CADM2: variants seen among roughly 807,000 people sequenced by gnomAD.
The protein encoded by CADM2 is immunoglobulin superfamily member 4D.
In CADM2, 12 loss-of-function variants were observed where a neutral mutation model predicts 49.8. The ratio of observed to expected loss-of-function variants is 0.24; its 90% CI spans 0.15 to 0.39. The LOEUF (loss-of-function observed/expected upper bound fraction) is 0.39, where lower values mean the gene tolerates loss of function less well. Among genes scored for constraint, CADM2 ranks in the 10% least tolerant of loss-of-function variants. The pLI, the probability that CADM2 is intolerant of heterozygous loss-of-function variation, is 1.00. For synonymous variants in CADM2, 214 were observed against 175.4 expected (o/e 1.22, Z -1.74); for missense variants, 378 against 492.3 (o/e 0.77, Z 2.20).
chr3:85,194,387 A>G (rs2041288692), intron 1 of CADM2, among the ~76,000 whole-genome samples: 1 of 152,072 alleles, frequency 6.6e-6, no homozygotes, highest in Non-Finnish European at 1.5e-5. Flanking sequence ...CATGATCATA[A>G]TTCATTTAGC....
intron 1 of CADM2, among the ~76,000 whole-genome samples, chr3:85,118,992 A>G (rs2107586202): frequency 6.6e-6 from 1 of 152,154 alleles, no homozygotes; most frequent in South Asian, 2.1e-4. Flanking sequence ...CAGGTGATCC[A>G]TCCATCTTGG....
chr3:85,156,363 A>G (rs1331224046), intron 1 of CADM2, among the ~76,000 whole-genome samples: 2 of 152,200 alleles, frequency 1.3e-5, no homozygotes, highest in African/African-American at 4.8e-5. Flanking sequence ...CAAATAAACT[A>G]GAAAATCTAG....
intron 8 of CADM2, among the ~76,000 whole-genome samples, chr3:85,965,446 A>G (rs888440665): frequency 6.6e-6 from 1 of 151,452 alleles, no homozygotes; most frequent in African/African-American, 2.4e-5. Flanking sequence ...TAGTAGTCTT[A>G]TTATACCAAG....
chr3:85,441,355 T>C lies in CADM2; in HGVS notation c.62-285167T>C, dbSNP rs1419885065. 2.6e-5 allele frequency among the ~76,000 whole-genome samples: 4 copies of C among 151,976 alleles called. No homozygotes were observed. The South Asian group carries it at 8.3e-4, about 31-fold the overall frequency. On this transcript the variant is annotated intron_variant, in intron 1 of 9. Transcript: ENST00000383699. The stretch of plus-strand genomic sequence containing the variant: ...TGTATGCTAGTAATTAAAATTATTG[T>C]CAATATTATAAATAAACATAATATT...
intron 1 of CADM2, among the ~76,000 whole-genome samples, chr3:85,075,567 T>G (rs1192694302): frequency 6.6e-6 from 1 of 152,162 alleles, no homozygotes; most frequent in Non-Finnish European, 1.5e-5. Flanking sequence ...TTAACTTGTT[T>G]GTGGGTTACA....
At chr3:85,211,202 C>A (rs559256711) in intron 1 of CADM2, among the ~76,000 whole-genome samples, 1 of 151,884 alleles carries the variant, frequency 6.6e-6, no homozygotes, top group East Asian at 1.9e-4. Flanking sequence ...CTTAGCCTGG[C>A]GATAGGTTTG....
At chr3:85,146,874 C>T (rs1314330924) in intron 1 of CADM2, among the ~76,000 whole-genome samples, 5 of 151,944 alleles carry the variant, frequency 3.3e-5, no homozygotes, top group African/African-American at 1.2e-4. Context: ...TAAATGCGAT[C>T]CTGCAAGTAT....
In CADM2 at chr3:85,340,121, T is replaced by A. The variant is rs137859189; in HGVS notation, c.61+380453T>A. Reference sequence around the variant, plus strand: ...CCAAAGAATCAGTAGAGATATTAATTTGAATCATAGGTTAAAAATAATCTG... The same window carrying A: ...CCAAAGAATCAGTAGAGATATTAATATGAATCATAGGTTAAAAATAATCTG... On this transcript the variant is annotated intron_variant, in intron 1 of 9. Coordinates refer to ENST00000383699, the MANE Select transcript of CADM2 (RefSeq NM_001167675.2). Among the ~76,000 whole-genome samples the A allele has an allele frequency of 9.2e-5, 14 of 151,510 alleles. 1 individual carries two copies. In the East Asian group the frequency reaches 1.4e-3, roughly 15 times the overall value.
At chr3:85,009,501 T>C (rs1290423698) in intron 1 of CADM2, among the ~76,000 whole-genome samples, 3 of 152,168 alleles carry the variant, frequency 2.0e-5, no homozygotes, top group Non-Finnish European at 4.4e-5. Flanking sequence ...TGATTCCAAT[T>C]ACCTATATTA....
intron 2 of CADM2, among the ~76,000 whole-genome samples, chr3:85,740,833 T>A (rs1440099640): frequency 6.6e-6 from 1 of 152,210 alleles, no homozygotes; most frequent in African/African-American, 2.4e-5. Flanking sequence ...GCTTTCCGGC[T>A]GTGATTAATT....
intron 7 of CADM2, among the ~76,000 whole-genome samples, chr3:85,943,455 T>A (rs1722234273): frequency 6.7e-6 from 1 of 148,328 alleles, no homozygotes; most frequent in Non-Finnish European, 1.5e-5. Flanking sequence ...CTTCTAGGGT[T>A]TTTATGGTTT....
At chr3:85,601,974 C>A (rs1466330977) in intron 1 of CADM2, among the ~76,000 whole-genome samples, 1 of 151,722 alleles carries the variant, frequency 6.6e-6, no homozygotes, top group Non-Finnish European at 1.5e-5. Context: ...AAATTCAAAG[C>A]AAATCAAATT....
At chr3:85,296,809 T>C (rs1192964910) in intron 1 of CADM2, among the ~76,000 whole-genome samples, 2 of 152,120 alleles carry the variant, frequency 1.3e-5, no homozygotes, top group Non-Finnish European at 2.9e-5. Flanking sequence ...TCCAAACAGA[T>C]AGAGGTGTAT....
chr3:85,920,272 T>A (rs898579747), intron 6 of CADM2, among the ~76,000 whole-genome samples: 3 of 151,856 alleles, frequency 2.0e-5, no homozygotes, highest in Non-Finnish European at 4.4e-5. Flanking sequence ...CCACAAATTA[T>A]ATATAGCATA....
intron 1 of CADM2, among the ~76,000 whole-genome samples, chr3:85,077,666 G>A (rs138802935): frequency 1.4e-4 from 22 of 152,108 alleles, no homozygotes; most frequent in African/African-American, 5.3e-4. Context: ...TAAACTGCAT[G>A]TTTTTACATT....
intron 1 of CADM2, among the ~76,000 whole-genome samples, chr3:85,270,708 T>C (rs1184505435): frequency 2.0e-5 from 3 of 151,194 alleles, no homozygotes; most frequent in African/African-American, 7.3e-5. Flanking sequence ...CTGGTTCCCA[T>C]TGTTTGTCCA....
At chr3:85,838,866 T>A (rs893465212) in intron 3 of CADM2, among the ~76,000 whole-genome samples, 8 of 151,790 alleles carry the variant, frequency 5.3e-5, no homozygotes, top group African/African-American at 1.9e-4. Flanking sequence ...AAAGGTTTAT[T>A]GTCCTTAAGG....
rs190597130 is a variant in CADM2 at position 85,967,865 on chromosome 3, T to A, written c.970+6218T>A. Among the ~76,000 whole-genome samples, 110 of 151,590 alleles carry A rather than the reference T, an allele frequency of 7.3e-4. 2 individuals are homozygous for A. In the East Asian group the frequency reaches 0.02, roughly 28 times the overall value. On this transcript the variant is annotated intron_variant, in intron 8 of 9. Transcript: ENST00000383699. ...GGGGAAGGAAAAAAAGAAGCCTGGA[T>A]TATGGACAGATGTAAAGCCTAGCAA...
intron 1 of CADM2, among the ~76,000 whole-genome samples, chr3:85,008,569 T>C (rs1376529971): frequency 2.6e-5 from 4 of 151,708 alleles, no homozygotes; most frequent in Non-Finnish European, 5.9e-5. Context: ...GGAAAAAATA[T>C]AGGGAAGTAG....
Sources: gnomAD v4.1 joint callset for allele counts (sites outside exome capture counted in the v4.1 genomes callset) on GRCh38, gnomAD v4.1.1 for gene constraint, MANE v1.5 for transcripts, NCBI Gene and HGNC (gene_info 2026-07-23, HGNC 2026-07-21) for gene names.